Variants in EXOC4 observed in about 807,000 individuals in gnomAD.
EXOC4 encodes the protein exocyst complex component 4.
Under a neutral mutation model 107.2 loss-of-function variants are expected in EXOC4, and 71 were observed. That is an observed-to-expected ratio of 0.66 (90% CI 0.55 to 0.81). The LOEUF (loss-of-function observed/expected upper bound fraction) is 0.81, where lower values mean the gene tolerates loss of function less well. EXOC4 is among the 30% of genes least tolerant of loss of function. The pLI, the probability that EXOC4 is intolerant of heterozygous loss-of-function variation, is 0.00. For missense variants in EXOC4, 1,108 were observed against 1,189.6 expected, an observed-to-expected ratio of 0.93 and a Z score of 1.01; for synonymous variants, 456 against 441.2, an observed-to-expected ratio of 1.03 and a Z score of -0.42.
At chr7:133,701,955 ATTTTTCTTTTTC>A (rs71162020) in intron 10 of EXOC4, among the ~76,000 whole-genome samples, 2 of 135,298 alleles carry the variant, frequency 1.5e-5, no homozygotes, top group Non-Finnish European at 3.1e-5. Context: ...AATCACTGTC[ATTTTTCTTTTTC>A]TTTTTCTTTT....
chr7:133,518,538 A>T (rs1799923454), intron 9 of EXOC4, among the ~76,000 whole-genome samples: 1 of 152,072 alleles, frequency 6.6e-6, no homozygotes, highest in African/African-American at 2.4e-5. Context: ...CAGATATTTT[A>T]TACCCATGTT....
At chr7:133,299,821 T>A (rs147359134) in intron 3 of EXOC4, among the ~76,000 whole-genome samples, 1 of 152,194 alleles carries the variant, frequency 6.6e-6, no homozygotes, top group African/African-American at 2.4e-5. Context: ...CATTAAGCCC[T>A]TAGTACCTAA....
chr7:133,846,494 G>T (rs1278696635), intron 11 of EXOC4, among the ~76,000 whole-genome samples: 1 of 152,166 alleles, frequency 6.6e-6, no homozygotes, highest in South Asian at 2.1e-4. Context: ...GTTCCTACGG[G>T]TTTAGGGAGT....
intron 7 of EXOC4, among the ~76,000 whole-genome samples, chr7:133,377,392 A>G (rs942891971): frequency 6.6e-6 from 1 of 152,116 alleles, no homozygotes; most frequent in African/African-American, 2.4e-5. Flanking sequence ...TGAAAAATTC[A>G]CCAGATGGAT....
At chr7:133,513,879 G>C (rs1180653339) in intron 9 of EXOC4, among the ~76,000 whole-genome samples, 1 of 152,170 alleles carries the variant, frequency 6.6e-6, no homozygotes, top group Admixed American at 6.5e-5. Context: ...TATGTGAGCT[G>C]TATCTGCTCT....
intron 11 of EXOC4, among the ~76,000 whole-genome samples, chr7:133,841,128 C>A (rs1798016891): frequency 6.6e-6 from 1 of 152,104 alleles, no homozygotes; most frequent in African/African-American, 2.4e-5. Flanking sequence ...TAGTTGGCTG[C>A]CTTTTCTCTG....
chr7:133,919,798 C>G (rs1799898706), intron 13 of EXOC4, among the ~76,000 whole-genome samples: 1 of 152,070 alleles, frequency 6.6e-6, no homozygotes, highest in Non-Finnish European at 1.5e-5. Flanking sequence ...TGAAGGATAT[C>G]TTAGTTGCTT....
At position 133,454,141 on chromosome 7, in the gene EXOC4, C is replaced by T. The variant is rs79455833; in HGVS notation, c.1183-21187C>T. 1.5e-3 allele frequency among the ~76,000 whole-genome samples: 224 copies of T among 152,280 alleles called. 2 individuals carry two copies. The highest frequency in any genetic ancestry group is 4.9e-3 in the African/African-American group (205 of 41,554). On this transcript the variant is annotated intron_variant, in intron 7 of 17. Transcript: ENST00000253861. ...TATTACAGTTTCACCCCTACTCACA[C>T]ATAACTAGACTGAAAACGTTATAAA... is the stretch of plus-strand genomic sequence containing the variant.
At chr7:133,833,921 T>G (rs1163161984) in intron 11 of EXOC4, among the ~76,000 whole-genome samples, 1 of 152,098 alleles carries the variant, frequency 6.6e-6, no homozygotes, top group African/African-American at 2.4e-5. Flanking sequence ...AGAACCTCAC[T>G]TATATACCAG....
At chr7:133,939,663 TA>T (rs1032545774) in intron 14 of EXOC4, among the ~76,000 whole-genome samples, 1 of 152,178 alleles carries the variant, frequency 6.6e-6, no homozygotes, top group African/African-American at 2.4e-5. Context: ...TGCCCAACTC[TA>T]AAAGACTGCT....
intron 14 of EXOC4, among the ~76,000 whole-genome samples, chr7:133,994,186 C>T (rs1347341106): frequency 6.6e-6 from 1 of 152,236 alleles, no homozygotes; most frequent in Non-Finnish European, 1.5e-5. Flanking sequence ...CACTGTTCAA[C>T]TCCCACTTAT....
At chr7:133,721,344 T>G (rs1795100952) in intron 10 of EXOC4, among the ~76,000 whole-genome samples, 1 of 152,130 alleles carries the variant, frequency 6.6e-6, no homozygotes, top group South Asian at 2.1e-4. Context: ...ATAGTATCCT[T>G]AGGGAAAGAG....
intron 13 of EXOC4, among the ~76,000 whole-genome samples, chr7:133,925,280 C>A (rs1222470504): frequency 3.3e-5 from 5 of 152,214 alleles, no homozygotes; most frequent in Admixed American, 3.3e-4. Context: ...TATTTCCAGG[C>A]TTAACTTTGA....
intron 10 of EXOC4, among the ~76,000 whole-genome samples, chr7:133,640,241 C>G (rs1427932410): frequency 6.6e-6 from 1 of 151,944 alleles, no homozygotes; most frequent in Non-Finnish European, 1.5e-5. Flanking sequence ...GAATTCTATC[C>G]CTACAGATAG....
At chr7:134,084,103 G>T in the EXOC4 span, among the ~76,000 whole-genome samples, 1 of 152,134 alleles carries the variant, frequency 6.6e-6, no homozygotes, top group Admixed American at 6.5e-5. Context: ...TCCTGAGAAG[G>T]CCGTTTGCTG....
rs563426254 is a variant in EXOC4, at chr7:133,293,903, AG to A, written c.471+4788del. ...CTTTGTGATATGTACGGTTTAAATT[AG>A]ACCTTTGCAGTCATTGTGCTGGGTT... On this transcript the variant is annotated intron_variant, in intron 3 of 17. Transcript: ENST00000253861. 7.2e-5 allele frequency among the ~76,000 whole-genome samples: 11 copies of A among 152,358 alleles called. 1 individual carries two copies. In the South Asian group the frequency reaches 1.9e-3, roughly 26 times the overall value.
At chr7:133,375,605 A>C (rs1796472280) in intron 7 of EXOC4, among the ~76,000 whole-genome samples, 1 of 152,210 alleles carries the variant, frequency 6.6e-6, no homozygotes, top group Non-Finnish European at 1.5e-5. Flanking sequence ...TCATATATTA[A>C]GGTAAAAAAC....
intron 10 of EXOC4, among the ~76,000 whole-genome samples, chr7:133,772,981 G>A (rs993596138): frequency 5.9e-5 from 9 of 152,036 alleles, no homozygotes; most frequent in African/African-American, 2.2e-4. Flanking sequence ...ATTACAGTGA[G>A]CGTCAGTGGG....
intron 14 of EXOC4, among the ~76,000 whole-genome samples, chr7:133,967,952 G>A (rs895458301): frequency 6.6e-6 from 1 of 152,144 alleles, no homozygotes; most frequent in Non-Finnish European, 1.5e-5. Context: ...CACTATTATT[G>A]TGTGGGAGTC....
Sources: gnomAD v4.1 joint callset for allele counts (sites outside exome capture counted in the v4.1 genomes callset) on GRCh38, gnomAD v4.1.1 for gene constraint, MANE v1.5 for transcripts, NCBI Gene and HGNC (gene_info 2026-07-23, HGNC 2026-07-21) for gene names.